Variants in STARD9 observed in about 807,000 individuals in gnomAD.
STARD9 encodes the protein stAR-related lipid transfer protein 9.
In STARD9, 346 loss-of-function variants were observed where a neutral mutation model predicts 399.8. That is an observed-to-expected ratio of 0.87 (90% CI 0.79 to 0.95). STARD9 has a LOEUF of 0.95. STARD9 is among the 40% of genes least tolerant of loss of function. STARD9 has a pLI of 0.00. For missense variants in STARD9, 5,832 were observed against 5,667.5 expected (o/e 1.03, Z -0.93); for synonymous variants, 2,203 against 2,143.5 (o/e 1.03, Z -0.77).
chr15:42,718,036 A>T lies in STARD9; in HGVS notation c.13619A>T (p.His4540Leu). The T allele has an allele frequency of 6.5e-7, 1 of 1,537,170 alleles. No individual in the cohort carries two copies. Among genetic ancestry groups the T allele is most frequent in the Non-Finnish European group, 8.7e-7 (1 of 1,146,896 alleles). ...TACAAGGTGTTTTCTCCCACTCGGC[A>T]TGGCTTCCTGGGGGCAGGTGTGGTG... ...LYYKVFSPTR[H>L]GFLGAGVVSQ... The change falls in exon 30 of 33, where the codon CAT (histidine) becomes CTT (leucine). Residue 4540 changes from histidine to leucine, a missense_variant. His to Leu is a moderately conservative substitution (Grantham distance 99). Transcript: ENST00000290607.
rs180867650 is a variant in STARD9 at position 42,716,444 on chromosome 15, C to A, written c.13285-233C>A. Among the ~76,000 whole-genome samples, 877 of 152,292 alleles carry A rather than the reference C, an allele frequency of 5.8e-3. 7 individuals carry two copies. Among genetic ancestry groups the A allele is most frequent in the Non-Finnish European group, 9.0e-3 (615 of 68,024 alleles). On this transcript the variant is annotated intron_variant, in intron 26 of 32. Transcript: ENST00000290607. ...CTGGTTGTTTTGATCCCTGTTGGAA[C>A]TCTCCTGTAAGCAGCCTCTGCCTGT...
At chr15:42,607,651 T>TACACAAAC (rs2058761064) in intron 3 of STARD9, among the ~76,000 whole-genome samples, 1 of 143,668 alleles carries the variant, frequency 7.0e-6, no homozygotes, top group African/African-American at 2.6e-5. Context: ...CACACACTTA[T>TACACAAAC]ACACACACAC....
At chr15:42,705,396 A>C (rs1386550106) in intron 26 of STARD9, among the ~76,000 whole-genome samples, 1 of 152,062 alleles carries the variant, frequency 6.6e-6, no homozygotes, top group African/African-American at 2.4e-5. Flanking sequence ...GACGGGTCCT[A>C]TTCTGCCATC....
At position 42,693,005 on chromosome 15, in the gene STARD9, C is replaced by T. The variant is rs1234975013; in HGVS notation, c.11427C>T (p.Pro3809=). The stretch of plus-strand genomic sequence containing the variant: ...AGGAAGAAAGCACTCCCTACAAGCC[C>T]CAGAGCCCTTCAATACCCTCATCCC... ...YLQEESTPYK[P]QSPSIPSSHL... Residue 3809 remains proline, a synonymous_variant, in exon 23 of 33, where the codon CCC becomes CCT. Transcript: ENST00000290607. 3 of 1,537,150 alleles carry T rather than the reference C, an allele frequency of 2.0e-6. No homozygotes were observed. Among genetic ancestry groups the T allele is most frequent in the Admixed American group, 2.0e-5 (1 of 51,000 alleles).
intron 7 of STARD9, among the ~76,000 whole-genome samples, chr15:42,645,860 A>T (rs2059635736): frequency 6.6e-6 from 1 of 151,644 alleles, no homozygotes; most frequent in Admixed American, 6.6e-5. Flanking sequence ...GGATTTTCAG[A>T]GTGATAATGG....
intron 3 of STARD9, among the ~76,000 whole-genome samples, chr15:42,628,695 C>T (rs1055042467): frequency 6.6e-6 from 1 of 152,038 alleles, no homozygotes; most frequent in Non-Finnish European, 1.5e-5. Context: ...CTGTCTTCTC[C>T]CCTGTGTATG....
At chr15:42,626,273 C>T (rs910571948) in intron 3 of STARD9, among the ~76,000 whole-genome samples, 11 of 146,616 alleles carry the variant, frequency 7.5e-5, no homozygotes, top group African/African-American at 2.1e-4. Context: ...CCTCTTCCTC[C>T]TCCTCTTCCT....
chr15:42,686,629 G>A lies in STARD9; in HGVS notation c.5051G>A (p.Gly1684Glu), dbSNP rs1249685931. Residue 1684 changes from glycine to glutamate, a missense_variant, in exon 23 of 33, where the codon GGG (glycine) becomes GAG (glutamate). By Grantham distance (98) the Gly-to-Glu change is moderately conservative. Around this residue, in one of 2 missense-constraint regions of STARD9, gnomAD observed 5,828 missense variants for 5,651.1 expected, o/e 1.03. Transcript: ENST00000290607. ...AGGAAAAATAGTGCAGTCCAGCCAG[G>A]GCAATTAAGTCCCGACAGCCACTAC... is the stretch of plus-strand genomic sequence containing the variant. ...PLRKNSAVQP[G>E]QLSPDSHYPL... 4.6e-6 allele frequency: 7 copies of A among 1,537,238 alleles called. No homozygotes were observed. In the African/African-American group the frequency reaches 8.2e-5, roughly 18 times the overall value.
chr15:42,688,334 T>C lies in STARD9; in HGVS notation c.6756T>C (p.Phe2252=). The stretch of plus-strand genomic sequence containing the variant: ...AGGAATTGGAGACTGTGAAAGGTTT[T>C]CAGGAAAGCCAAGTAGCTGAACACG... ...SLEELETVKG[F]QESQVAEHVS... The change falls in exon 23 of 33, where the codon TTT becomes TTC. Residue 2252 remains phenylalanine, a synonymous_variant. Transcript: ENST00000290607. 1 of 1,537,386 alleles carries C rather than the reference T, an allele frequency of 6.5e-7. No individual in the cohort carries two copies. The highest frequency in any genetic ancestry group is 1.2e-5 in the South Asian group (1 of 84,062).
At chr15:42,618,974 A>G (rs578238811) in intron 3 of STARD9, among the ~76,000 whole-genome samples, 57 of 152,120 alleles carry the variant, frequency 3.7e-4, no homozygotes, top group African/African-American at 1.3e-3. Context: ...TTGTTTTTCC[A>G]AAGAAATTGC....
intron 3 of STARD9, among the ~76,000 whole-genome samples, chr15:42,597,471 G>A (rs771966814): frequency 3.9e-5 from 6 of 151,996 alleles, no homozygotes; most frequent in African/African-American, 1.2e-4. Flanking sequence ...GTGTTCAAGC[G>A]ATTCTCGTGC....
intron 16 of STARD9, 164 bp downstream of exon 16, chr15:42,669,501 G>A: frequency 1.8e-6 from 1 of 561,522 alleles, no homozygotes; most frequent in Non-Finnish European, 3.1e-6. Flanking sequence ...GACAAATTGT[G>A]ATCTGTTTTG....
In STARD9 at chr15:42,692,293, C is replaced by T. The variant is rs765842135; in HGVS notation, c.10715C>T (p.Pro3572Leu). The T allele has an allele frequency of 5.2e-6, 8 of 1,536,930 alleles. No homozygotes were observed. The highest frequency in any genetic ancestry group is 1.2e-5 in the South Asian group (1 of 84,064). The change falls in exon 23 of 33, where the codon CCG (proline) becomes CTG (leucine). Residue 3572 changes from proline to leucine, a missense_variant. Coordinates refer to ENST00000290607, the MANE Select transcript of STARD9 (RefSeq NM_020759.3). ...ATTGCCTTAGGAGACCCCCACATCC[C>T]GACGAGCCCTGAAGGAGTAGCCCCC... ...SSIALGDPHIPTSPEGVAPTS... is the reference protein window; with the variant it reads ...SSIALGDPHILTSPEGVAPTS...
intron 26 of STARD9, among the ~76,000 whole-genome samples, chr15:42,703,000 G>T (rs913787321): frequency 1.3e-5 from 2 of 151,868 alleles, no homozygotes; most frequent in African/African-American, 4.8e-5. Context: ...TCACTATGTT[G>T]CCCAGGCTGG....
At chr15:42,648,807 C>T (rs1163709610) in intron 7 of STARD9, among the ~76,000 whole-genome samples, 3 of 151,668 alleles carry the variant, frequency 2.0e-5, no homozygotes, top group Non-Finnish European at 4.4e-5. Context: ...CCTTCTATCC[C>T]ATTCTTTCCT....
chr15:42,705,736 C>T (rs554277476), intron 26 of STARD9, among the ~76,000 whole-genome samples: 1 of 151,920 alleles, frequency 6.6e-6, no homozygotes, highest in Admixed American at 6.6e-5. Context: ...CTACTGCACC[C>T]AGCCTGTTGT....
chr15:42,635,164 G>C (rs1358384477), intron 4 of STARD9, among the ~76,000 whole-genome samples, 192 bp downstream of exon 4: 2 of 151,646 alleles, frequency 1.3e-5, no homozygotes, highest in African/African-American at 4.8e-5. Context: ...CCAGCACTTT[G>C]GGAGGACAAG....
chr15:42,709,618 G>A (rs1170648712), intron 26 of STARD9, among the ~76,000 whole-genome samples: 2 of 152,188 alleles, frequency 1.3e-5, no homozygotes, highest in African/African-American at 2.4e-5. Flanking sequence ...CCGGGAGGCG[G>A]GGTTTGCATT....
chr15:42,653,927 G>A (rs930696203), intron 9 of STARD9, among the ~76,000 whole-genome samples: 1 of 152,068 alleles, frequency 6.6e-6, no homozygotes, highest in Non-Finnish European at 1.5e-5. Context: ...GAAAATAACA[G>A]CACAAGGGAA....
Sources: gnomAD v4.1 joint callset for allele counts (sites outside exome capture counted in the v4.1 genomes callset) on GRCh38, gnomAD v4.1.1 for gene constraint, gnomAD v4.1.1 regional missense constraint, MANE v1.5 for transcripts, NCBI Gene and HGNC (gene_info 2026-07-23, HGNC 2026-07-21) for gene names.